The following IFT43 variants were observed in gnomAD, a reference collection of about 807,000 sequenced individuals.
IFT43 encodes intraflagellar transport 43.
In IFT43, 33 loss-of-function variants were observed where a neutral mutation model predicts 32.3. The ratio of observed to expected loss-of-function variants is 1.02; its 90% confidence interval spans 0.77 to 1.37. IFT43 has a LOEUF of 1.37. Ranked by LOEUF, IFT43 falls within the 40% of genes most tolerant of loss-of-function variation. The pLI is 0.00. For synonymous variants in IFT43, 93 were observed against 98.2 expected, an observed-to-expected ratio of 0.95 and a Z score of 0.31; for missense variants, 274 against 265.9, an observed-to-expected ratio of 1.03 and a Z score of -0.21.
intron 3 of IFT43, among the ~76,000 whole-genome samples, chr14:76,041,638 A>G (rs1265868719): frequency 2.0e-5 from 3 of 152,218 alleles, no homozygotes; most frequent in African/African-American, 7.2e-5. Context: ...AAAGCTAAAT[A>G]TGCCTAAAAC....
At position 76,083,645 on chromosome 14, in the gene IFT43, C is replaced by G. The variant is rs1310027064; in HGVS notation, c.*68C>G. ...TAAAGCTAAAGAAGCTTGTAAGCAG[C>G]TCCGAATTTTTACCTGGAATATTTT... is the stretch of plus-strand genomic sequence containing the variant. On this transcript the variant is annotated 3_prime_UTR_variant, in exon 9 of 9. Transcript: ENST00000314067. 6.7e-7 allele frequency: 1 copy of G among 1,496,410 alleles called. No homozygotes were observed. The highest frequency in any genetic ancestry group is 9.3e-7 in the Non-Finnish European group (1 of 1,081,032). The allele number at this position is 1,496,410 out of a possible 1,614,324, so 92.7% of individuals were successfully genotyped here.
At chr14:76,035,630 T>G (rs2036584771) in intron 3 of IFT43, among the ~76,000 whole-genome samples, 1 of 152,266 alleles carries the variant, frequency 6.6e-6, no homozygotes, top group African/African-American at 2.4e-5. Context: ...AGAGGGCTCC[T>G]AGATCTGTAA....
chr14:76,077,365 A>G (rs2037429973), intron 5 of IFT43, among the ~76,000 whole-genome samples: 1 of 152,242 alleles, frequency 6.6e-6, no homozygotes, highest in Non-Finnish European at 1.5e-5. Context: ...TAGCGATTCT[A>G]ACTGGAACAA....
chr14:76,059,515 A>G (rs1263507477), intron 5 of IFT43, 142 bp downstream of exon 5: 6 of 787,332 alleles, frequency 7.6e-6, no homozygotes, highest in South Asian at 2.9e-5. Context: ...GCACATCTTC[A>G]TGCCTTGCTG....
chr14:76,002,333 A>G (rs1212350226), intron 2 of IFT43, among the ~76,000 whole-genome samples: 1 of 146,116 alleles, frequency 6.8e-6, no homozygotes, highest in Non-Finnish European at 1.5e-5. Flanking sequence ...GGGACATTCC[A>G]ACCATAGCAA....
chr14:76,054,127 A>T (rs915053764), intron 3 of IFT43, among the ~76,000 whole-genome samples: 26 of 152,222 alleles, frequency 1.7e-4, no homozygotes, highest in Non-Finnish European at 8.8e-5. Flanking sequence ...AGTCTTGTCT[A>T]CGTGACTAGG....
intron 3 of IFT43, among the ~76,000 whole-genome samples, chr14:76,032,609 C>G (rs915307684): frequency 6.6e-6 from 1 of 152,218 alleles, no homozygotes; most frequent in Non-Finnish European, 1.5e-5. Flanking sequence ...GAGACACACT[C>G]TCTTATTTAC....
intron 6 of IFT43, 46 bp from the exon 7 acceptor site, chr14:76,082,571 C>T (rs531373400): frequency 2.5e-5 from 41 of 1,611,720 alleles, no homozygotes; most frequent in Non-Finnish European, 3.3e-5. Flanking sequence ...ACTCCTGGAA[C>T]AGGTCCTGCC....
intron 2 of IFT43, among the ~76,000 whole-genome samples, chr14:76,013,177 TC>T (rs1282144313): frequency 6.6e-6 from 1 of 152,208 alleles, no homozygotes; most frequent in Non-Finnish European, 1.5e-5. Context: ...AAATTCTTCT[TC>T]CTGTAAATGA....
At chr14:76,033,265 G>A (rs2036540420) in intron 3 of IFT43, among the ~76,000 whole-genome samples, 1 of 152,174 alleles carries the variant, frequency 6.6e-6, no homozygotes, top group South Asian at 2.1e-4. Flanking sequence ...TGGAAGAAGA[G>A]TCTAGATTAA....
chr14:76,071,696 T>C (rs556258907), intron 5 of IFT43, among the ~76,000 whole-genome samples: 2 of 152,306 alleles, frequency 1.3e-5, no homozygotes, highest in African/African-American at 4.8e-5. Context: ...ATTCAGGAAG[T>C]GGTGAGTTTT....
chr14:76,080,457 G>A (rs1331028541), intron 5 of IFT43, among the ~76,000 whole-genome samples: 2 of 152,208 alleles, frequency 1.3e-5, no homozygotes, highest in Non-Finnish European at 2.9e-5. Context: ...GCCCCAAGAC[G>A]CTGGGCAGAG....
At chr14:76,074,315 C>T (rs1040873783) in intron 5 of IFT43, among the ~76,000 whole-genome samples, 1 of 152,158 alleles carries the variant, frequency 6.6e-6, no homozygotes, top group Non-Finnish European at 1.5e-5. Context: ...TTCTTCATCA[C>T]GTTTAAAGTC....
chr14:76,057,914 T>A (rs564420297), intron 3 of IFT43, among the ~76,000 whole-genome samples: 2 of 152,252 alleles, frequency 1.3e-5, no homozygotes, highest in Non-Finnish European at 2.9e-5. Flanking sequence ...AAACTTCACA[T>A]CAGTGTTTCT....
intron 2 of IFT43, among the ~76,000 whole-genome samples, chr14:76,018,001 C>A (rs143910203): frequency 7.2e-5 from 11 of 151,788 alleles, no homozygotes; most frequent in African/African-American, 2.4e-4. Flanking sequence ...AAAAAACTAT[C>A]TTTTGTTTCA....
intron 5 of IFT43, among the ~76,000 whole-genome samples, chr14:76,065,046 A>G (rs777860657): frequency 6.6e-6 from 1 of 152,248 alleles, no homozygotes; most frequent in Non-Finnish European, 1.5e-5. Flanking sequence ...ACTGGCCACC[A>G]TCGGGGCATC....
chr14:76,034,145 G>A (rs77362488), intron 3 of IFT43, among the ~76,000 whole-genome samples: 2,184 of 152,186 alleles, frequency 0.014, 56 homozygotes, highest in African/African-American at 0.049. Flanking sequence ...GTCTTAATTT[G>A]GCTGCTATAA....
intron 5 of IFT43, among the ~76,000 whole-genome samples, chr14:76,073,449 C>T (rs1181637721): frequency 2.0e-5 from 3 of 152,150 alleles, no homozygotes; most frequent in African/African-American, 7.2e-5. Flanking sequence ...CTACATAGGG[C>T]AGAAATCTGG....
chr14:75,997,175 GAC>G (rs10538147), intron 2 of IFT43, among the ~76,000 whole-genome samples: 2,696 of 152,146 alleles, frequency 0.018, 74 homozygotes, highest in African/African-American at 0.062. Context: ...AAGTTCTGGA[GAC>G]AAGAGAGAGA....
Sources: gnomAD v4.1 joint callset for allele counts (sites outside exome capture counted in the v4.1 genomes callset) on GRCh38, gnomAD v4.1.1 for gene constraint, MANE v1.5 for transcripts, NCBI Gene and HGNC (gene_info 2026-07-23, HGNC 2026-07-21) for gene names.